Variants in AKAP6 observed in about 807,000 individuals in gnomAD.
The protein encoded by AKAP6 is A-kinase anchor protein 6.
A neutral mutation model predicts 188.5 loss-of-function variants in AKAP6; 58 were observed. The ratio of observed to expected loss-of-function variants is 0.31; its 90% CI spans 0.25 to 0.38. The LOEUF is 0.38. Among genes scored for constraint, AKAP6 ranks in the 10% least tolerant of loss-of-function variants. The pLI, the probability that AKAP6 is intolerant of heterozygous loss-of-function variation, is 1.00. For synonymous variants in AKAP6, 989 were observed against 998.6 expected, an observed-to-expected ratio of 0.99 and a Z score of 0.18; for missense variants, 2,710 against 2,740.0, an observed-to-expected ratio of 0.99 and a Z score of 0.24.
chr14:32,719,247 G>C (rs1037732084), intron 9 of AKAP6, among the ~76,000 whole-genome samples: 3 of 152,182 alleles, frequency 2.0e-5, no homozygotes, highest in African/African-American at 7.2e-5. Flanking sequence ...GAAATGCTTT[G>C]ATCAGCTCTG....
At chr14:32,754,815 T>C (rs1183950682) in intron 11 of AKAP6, among the ~76,000 whole-genome samples, 1 of 152,144 alleles carries the variant, frequency 6.6e-6, no homozygotes, top group African/African-American at 2.4e-5. Flanking sequence ...GCACTTTGAA[T>C]ATATCTTCCC....
chr14:32,621,795 C>A (rs1316837404), intron 7 of AKAP6, among the ~76,000 whole-genome samples: 2 of 152,038 alleles, frequency 1.3e-5, no homozygotes, highest in African/African-American at 4.8e-5. Flanking sequence ...TATTATGTTG[C>A]TGCATACTTG....
At chr14:32,673,084 CT>C (rs1164858805) in intron 7 of AKAP6, among the ~76,000 whole-genome samples, 1 of 152,174 alleles carries the variant, frequency 6.6e-6, no homozygotes, top group East Asian at 1.9e-4. Context: ...ATGCCACATC[CT>C]TTCACAACTC....
intron 1 of AKAP6, among the ~76,000 whole-genome samples, chr14:32,348,439 A>C (rs1050416224): frequency 9.7e-6 from 1 of 103,448 alleles, no homozygotes; most frequent in African/African-American, 4.4e-5. Flanking sequence ...TTTTTTTAAG[A>C]GTTTTGCTCT....
intron 2 of AKAP6, among the ~76,000 whole-genome samples, chr14:32,506,202 A>G (rs1880870431): frequency 6.6e-6 from 1 of 152,146 alleles, no homozygotes; most frequent in Non-Finnish European, 1.5e-5. Context: ...AAAGTTAATA[A>G]ACTGCAAATG....
intron 1 of AKAP6, among the ~76,000 whole-genome samples, chr14:32,361,899 G>T (rs991835153): frequency 6.6e-6 from 1 of 151,482 alleles, no homozygotes; most frequent in African/African-American, 2.4e-5. Context: ...GGTTGCGGGG[G>T]CTCTTCTGCT....
At chr14:32,407,330 T>C (rs1889328456) in intron 1 of AKAP6, among the ~76,000 whole-genome samples, 1 of 152,214 alleles carries the variant, frequency 6.6e-6, no homozygotes, top group African/African-American at 2.4e-5. Flanking sequence ...CAAGTTTATG[T>C]TCAGAGAATT....
At chr14:32,518,913 AT>A in intron 2 of AKAP6, among the ~76,000 whole-genome samples, 1 of 152,344 alleles carries the variant, frequency 6.6e-6, no homozygotes, top group African/African-American at 2.4e-5. Flanking sequence ...CAAAGTTGAA[AT>A]GAAGAAAAAC....
Position 32,747,402 on chromosome 14 carries a change from A to G in AKAP6, c.3372+11520A>G, listed in dbSNP as rs745414240. 6.9e-4 allele frequency among the ~76,000 whole-genome samples: 105 copies of G among 152,344 alleles called. 1 individual carries two copies. Among genetic ancestry groups the G allele is most frequent in the Non-Finnish European group, 1.3e-3 (91 of 68,028 alleles). On this transcript the variant is annotated intron_variant, in intron 11 of 13. Transcript: ENST00000280979. ...ATTACAGTAACTCAGTCTAACCATA[A>G]CAAAAGCATACAAAACACTTTCAAA...
intron 7 of AKAP6, among the ~76,000 whole-genome samples, chr14:32,668,870 A>G (rs1889059167): frequency 6.6e-6 from 1 of 152,128 alleles, no homozygotes; most frequent in South Asian, 2.1e-4. Flanking sequence ...CTGAGTAATA[A>G]TATTGAAATA....
intron 4 of AKAP6, among the ~76,000 whole-genome samples, chr14:32,565,847 C>A (rs951760425): frequency 2.0e-5 from 3 of 152,214 alleles, no homozygotes; most frequent in Non-Finnish European, 4.4e-5. Context: ...TCTTGGGCTT[C>A]ATTTTAGGAA....
intron 9 of AKAP6, among the ~76,000 whole-genome samples, chr14:32,715,936 A>G (rs1409822269): frequency 6.6e-6 from 1 of 151,840 alleles, no homozygotes; most frequent in Admixed American, 6.6e-5. Context: ...ATTTTGAACA[A>G]ACATTTGTAT....
intron 2 of AKAP6, among the ~76,000 whole-genome samples, chr14:32,449,188 T>C (rs1449078096): frequency 6.6e-6 from 1 of 152,152 alleles, no homozygotes; most frequent in East Asian, 1.9e-4. Context: ...TTGGGAGAAG[T>C]AATGCATTCA....
At chr14:32,472,054 C>G (rs1191827578) in intron 2 of AKAP6, among the ~76,000 whole-genome samples, 1 of 152,048 alleles carries the variant, frequency 6.6e-6, no homozygotes, top group Non-Finnish European at 1.5e-5. Flanking sequence ...GATTCTGAGG[C>G]TCTGAGATCT....
chr14:32,736,618 A>G (rs1440309780), intron 11 of AKAP6, among the ~76,000 whole-genome samples: 1 of 152,170 alleles, frequency 6.6e-6, no homozygotes, highest in East Asian at 1.9e-4. Context: ...TTGGGGTTGC[A>G]GAATTTGAAT....
At chr14:32,470,563 G>A (rs1284881763) in intron 2 of AKAP6, among the ~76,000 whole-genome samples, 1 of 152,182 alleles carries the variant, frequency 6.6e-6, no homozygotes, top group Non-Finnish European at 1.5e-5. Flanking sequence ...CATCTCTGGG[G>A]AAAGTAATCA....
intron 7 of AKAP6, among the ~76,000 whole-genome samples, chr14:32,647,983 G>A (rs978029694): frequency 6.6e-6 from 1 of 152,050 alleles, no homozygotes; most frequent in Non-Finnish European, 1.5e-5. Context: ...TGTGCAAAAG[G>A]AAGTGTACCA....
chr14:32,674,796 G>C (rs1185211425), intron 7 of AKAP6, among the ~76,000 whole-genome samples: 2 of 152,132 alleles, frequency 1.3e-5, no homozygotes, highest in Admixed American at 6.5e-5. Context: ...TTACTACTTA[G>C]TTGGCATTTA....
At chr14:32,674,480 C>T (rs28681658) in intron 7 of AKAP6, among the ~76,000 whole-genome samples, 46,389 of 151,896 alleles carry the variant, frequency 0.31, 8,438 homozygotes, top group East Asian at 0.58. Context: ...ACTGCAGAGA[C>T]ATTTTAGAAG....
Sources: gnomAD v4.1 joint callset for allele counts (sites outside exome capture counted in the v4.1 genomes callset) on GRCh38, gnomAD v4.1.1 for gene constraint, MANE v1.5 for transcripts, NCBI Gene and HGNC (gene_info 2026-07-23, HGNC 2026-07-21) for gene names.